Variants in DNAAF4 observed in about 807,000 individuals in gnomAD.
DNAAF4 encodes dynein assembly factor 4, axonemal.
A neutral mutation model predicts 51.8 loss-of-function variants in DNAAF4; 43 were observed. The observed-to-expected ratio is 0.83, with a 90% CI of 0.65 to 1.07. The LOEUF (loss-of-function observed/expected upper bound fraction) is 1.07, where lower values mean the gene tolerates loss of function less well. DNAAF4 is among the 50% of genes least tolerant of loss of function. DNAAF4 has a pLI of 0.00. For synonymous variants in DNAAF4, 194 were observed against 165.6 expected (o/e 1.17, Z -1.32); for missense variants, 581 against 493.0 (o/e 1.18, Z -1.69).
chr15:55,503,804 C>G (rs575664978), intron 1 of DNAAF4, among the ~76,000 whole-genome samples: 6 of 152,196 alleles, frequency 3.9e-5, no homozygotes, highest in African/African-American at 1.2e-4. Flanking sequence ...TATGAGGAAC[C>G]CACAGCCAAT....
At chr15:55,418,095 A>G (rs2057352795) in exon 8 of DNAAF4, 2 of 1,583,968 alleles carry the variant, frequency 1.3e-6, no homozygotes, top group African/African-American at 1.4e-5. Flanking sequence ...GCTTGGGCTC[A>G]GAGGCCTGAC....
chr15:55,448,133 T>C (rs1002617005), intron 6 of DNAAF4, among the ~76,000 whole-genome samples: 1 of 152,150 alleles, frequency 6.6e-6, no homozygotes, highest in Admixed American at 6.5e-5. Context: ...GCTGTTGAAT[T>C]TTGTCAAAGG....
At chr15:55,455,140 C>T (rs1468524537) in intron 5 of DNAAF4, among the ~76,000 whole-genome samples, 2 of 144,044 alleles carry the variant, frequency 1.4e-5, no homozygotes, top group African/African-American at 5.1e-5. Context: ...TTTAAAAAAA[C>T]CTCCATAAAA....
intron 5 of DNAAF4, among the ~76,000 whole-genome samples, chr15:55,465,655 C>T (rs761568027): frequency 2.6e-5 from 4 of 151,692 alleles, no homozygotes; most frequent in Non-Finnish European, 5.9e-5. Flanking sequence ...TAACCTCCGC[C>T]TCCCAGGTTC....
At chr15:55,439,625 T>G (rs775575970) in intron 6 of DNAAF4, 44 bp from the exon 7 acceptor site, 1 of 1,524,680 alleles carries the variant, frequency 6.6e-7, no homozygotes, top group Non-Finnish European at 9.0e-7. Flanking sequence ...AAGGTCTTTT[T>G]TTAATTAACA....
chr15:55,439,780 C>T (rs557164739), intron 6 of DNAAF4, among the ~76,000 whole-genome samples, 199 bp from the exon 7 acceptor site: 1 of 152,182 alleles, frequency 6.6e-6, no homozygotes, highest in African/African-American at 2.4e-5. Context: ...GTAGTGGGGC[C>T]TCTGAGAGGT....
chr15:55,439,503 T>C lies in DNAAF4; in HGVS notation c.862A>G (p.Lys288Glu), dbSNP rs147149511. 1.2e-4 allele frequency: 190 copies of C among 1,614,126 alleles called. No homozygotes were observed. In the African/African-American group the frequency reaches 2.3e-3, roughly 20 times the overall value. ...TTATCCTTCAACCATTCTGGGTTCT[T>C]TTCTTCTTCTTTTAAATCGCAAAGT... Reference protein sequence around the residue: ...AELCDLKEEEKNPEWLKDKGN... With the variant: ...AELCDLKEEEENPEWLKDKGN... Residue 288 changes from lysine to glutamate, a missense_variant, in exon 7 of 10, where the codon AAG becomes GAG. Transcript: ENST00000321149.
chr15:55,434,705 T>C (rs1293462467), intron 8 of DNAAF4, among the ~76,000 whole-genome samples, 200 bp downstream of exon 8: 1 of 151,726 alleles, frequency 6.6e-6, no homozygotes, highest in Non-Finnish European at 1.5e-5. Context: ...TAACTAACTA[T>C]TCATAGAAGT....
chr15:55,467,441 T>G (rs999021243), intron 4 of DNAAF4, among the ~76,000 whole-genome samples: 1 of 152,108 alleles, frequency 6.6e-6, no homozygotes, highest in African/African-American at 2.4e-5. Context: ...TTTACTTATA[T>G]GTAAAATGTG....
chr15:55,482,846 T>A (rs1200999847), intron 4 of DNAAF4, among the ~76,000 whole-genome samples: 3 of 152,196 alleles, frequency 2.0e-5, no homozygotes, highest in Admixed American at 1.3e-4. Flanking sequence ...GCCATATTAT[T>A]CATCCATAAA....
At chr15:55,501,844 A>G (rs1283578523) in intron 1 of DNAAF4, among the ~76,000 whole-genome samples, 1 of 151,746 alleles carries the variant, frequency 6.6e-6, no homozygotes, top group East Asian at 2.0e-4. Context: ...AGAGTTTGAG[A>G]CCAGCCTGGC....
chr15:55,440,980 C>G (rs561636955), intron 6 of DNAAF4, among the ~76,000 whole-genome samples: 75 of 151,988 alleles, frequency 4.9e-4, no homozygotes, highest in Non-Finnish European at 9.6e-4. Flanking sequence ...CGTGCCCGTC[C>G]TTAAACTTTT....
chr15:55,504,541 C>T lies in DNAAF4; in HGVS notation c.-256+3581G>A, dbSNP rs1248167510. On this transcript the variant is annotated intron_variant, in intron 1 of 9. Coordinates refer to ENST00000321149, the MANE Select transcript of DNAAF4 (RefSeq NM_130810.4). ...AAACTATACTACAAGGCTACAGTAA[C>T]CAAAACAGCATGGCACTGGTACCAA... 9.9e-5 allele frequency among the ~76,000 whole-genome samples: 15 copies of T among 152,246 alleles called. No homozygotes were observed. In the East Asian group the frequency reaches 2.5e-3, roughly 25 times the overall value.
At chr15:55,471,168 T>C (rs2058250025) in intron 4 of DNAAF4, among the ~76,000 whole-genome samples, 1 of 151,996 alleles carries the variant, frequency 6.6e-6, no homozygotes. Flanking sequence ...GCATGATTGA[T>C]TATTAAGTCA....
In DNAAF4 at chr15:55,418,196, G is replaced by A. The variant is rs917353460; in HGVS notation, c.1048-63C>T. The A allele has an allele frequency of 1.9e-6, 3 of 1,565,368 alleles. No homozygotes were observed. In the African/African-American group the frequency reaches 4.1e-5, roughly 22 times the overall value. Reference sequence around the variant, plus strand: ...TTTTTTTTCAGAACTTTATAATGGAGAATGATTTTATGTGTTTATCTTTTA... The same window carrying A: ...TTTTTTTTCAGAACTTTATAATGGAAAATGATTTTATGTGTTTATCTTTTA... On this transcript the variant is annotated intron_variant, in intron 7 of 7. Coordinates refer to the DNAAF4 transcript ENST00000448430.
At chr15:55,418,395 G>A in intron 7 of DNAAF4, 1 of 1,533,824 alleles carries the variant, frequency 6.5e-7, no homozygotes, top group Non-Finnish European at 8.7e-7. Flanking sequence ...ACCAATTCAA[G>A]TCATTATGGT....
intron 4 of DNAAF4, among the ~76,000 whole-genome samples, chr15:55,469,474 C>CT (rs1162485238): frequency 0.11 from 6,965 of 65,718 alleles, 2,820 homozygotes; most frequent in African/African-American, 0.25. Flanking sequence ...CTTACCAATT[C>CT]TTTTTTTTTT....
intron 5 of DNAAF4, among the ~76,000 whole-genome samples, chr15:55,465,709 G>T (rs961091177): frequency 6.6e-6 from 1 of 151,944 alleles, no homozygotes; most frequent in Admixed American, 6.6e-5. Context: ...TGGGATTACA[G>T]ATATGTGCCA....
intron 4 of DNAAF4, among the ~76,000 whole-genome samples, chr15:55,472,835 C>T (rs2058273929): frequency 6.6e-6 from 1 of 151,756 alleles, no homozygotes; most frequent in African/African-American, 2.4e-5. Context: ...TAAGCCAATC[C>T]CACTTGTGAA....
Sources: allele counts gnomAD v4.1 joint callset (sites outside exome capture counted in the v4.1 genomes callset), GRCh38; gene constraint gnomAD v4.1.1; transcripts MANE v1.5; gene names NCBI Gene and HGNC (gene_info 2026-07-23, HGNC 2026-07-21).